Variants in NCBP1 observed in about 807,000 individuals in gnomAD.
NCBP1 encodes nuclear cap-binding protein subunit 1.
NCBP1 carries 16 observed loss-of-function variants against 111.7 expected under a neutral mutation model. The observed-to-expected ratio is 0.14, with a 90% CI of 0.10 to 0.22. NCBP1 has a LOEUF of 0.22. Among genes scored for constraint, NCBP1 ranks in the 10% least tolerant of loss-of-function variants. NCBP1 has a pLI of 1.00. For synonymous variants in NCBP1, 304 were observed against 314.3 expected, an observed-to-expected ratio of 0.97 and a Z score of 0.35; for missense variants, 607 against 957.5, an observed-to-expected ratio of 0.63 and a Z score of 4.83.
intron 10 of NCBP1, among the ~76,000 whole-genome samples, chr9:97,652,331 T>C (rs1234678473): frequency 6.6e-6 from 1 of 152,202 alleles, no homozygotes; most frequent in Non-Finnish European, 1.5e-5. Flanking sequence ...ATTAAAGTAT[T>C]CATGGGCCAG....
In NCBP1 at chr9:97,669,646, C is replaced by T. The variant is rs764826504; in HGVS notation, c.2199C>T (p.Thr733=). ...TAGTACGATGCGAAACTGATGGGACCAGTGTATTAACACCATGGTATAAGA... is the reference window on the plus strand; with the variant it reads ...TAGTACGATGCGAAACTGATGGGACTAGTGTATTAACACCATGGTATAAGA... ...EHLVRCETDG[T]SVLTPWYKNC... is the part of the protein sequence containing the mutation. Residue 733 remains threonine (T), a synonymous_variant, in exon 22 of 23, where the codon ACC becomes ACT. Transcript: ENST00000375147. 2.2e-5 allele frequency: 35 copies of T among 1,613,270 alleles called. No individual in the cohort carries two copies. Among genetic ancestry groups the T allele is most frequent in the Non-Finnish European group, 2.9e-5 (34 of 1,179,300 alleles).
chr9:97,663,027 G>A lies in NCBP1; in HGVS notation c.1777G>A (p.Val593Ile). The A allele has an allele frequency of 6.2e-7, 1 of 1,612,478 alleles. No individual in the cohort carries two copies. The highest frequency in any genetic ancestry group is 1.1e-5 in the South Asian group (1 of 90,848). The change falls in exon 18 of 23, where the codon GTC becomes ATC. Residue 593 changes from valine (V) to isoleucine (I), a missense_variant. This residue lies in a region of NCBP1 where 282 missense variants were observed against 376.5 expected (regional missense o/e 0.75). Transcript: ENST00000375147. ...KLHVLRVMFE[V>I]WRNHPQMIAV... ...ACATGTGCTAAGAGTTATGTTTGAGGTCTGGAGGAACCATCCACAGGTAAA... is the reference window on the plus strand; with the variant it reads ...ACATGTGCTAAGAGTTATGTTTGAGATCTGGAGGAACCATCCACAGGTAAA...
chr9:97,644,969 C>T, intron 4 of NCBP1, 148 bp from the exon 5 acceptor site: 3 of 491,712 alleles, frequency 6.1e-6, no homozygotes, highest in Non-Finnish European at 1.1e-5. Context: ...TTTTAGTTCC[C>T]AGCTATGCAA....
intron 7 of NCBP1, 103 bp downstream of exon 7, chr9:97,647,664 G>GAAA: frequency 1.0e-6 from 1 of 992,594 alleles, no homozygotes; most frequent in Non-Finnish European, 1.5e-6. Flanking sequence ...CTTTGACTGT[G>GAAA]TTTCTACATT....
intron 11 of NCBP1, among the ~76,000 whole-genome samples, chr9:97,654,401 T>C (rs937289565): frequency 9.2e-5 from 14 of 152,180 alleles, no homozygotes; most frequent in Admixed American, 9.2e-4. Flanking sequence ...CATCTTCTTA[T>C]TTTTTAAAGT....
chr9:97,647,413 G>C, intron 6 of NCBP1, 79 bp from the exon 7 acceptor site: 2 of 1,114,448 alleles, frequency 1.8e-6, no homozygotes, highest in Non-Finnish European at 2.7e-6. Context: ...GCTTTAATTT[G>C]CATTTTAATA....
chr9:97,633,950 C>T, intron 1 of NCBP1, 35 bp downstream of exon 1: 1 of 1,563,784 alleles, frequency 6.4e-7, no homozygotes, highest in Non-Finnish European at 8.6e-7. Flanking sequence ...GAGGCCGCTC[C>T]CGGTTGGGAG....
At position 97,671,238 on chromosome 9, in the gene NCBP1, C is replaced by T. The variant is rs770971060; in HGVS notation, c.*39C>T. 7.2e-7 allele frequency: 1 copy of T among 1,388,002 alleles called. No homozygotes were observed. The highest frequency in any genetic ancestry group is 1.0e-6 in the Non-Finnish European group (1 of 992,414). The allele number at this position is 1,388,002 out of a possible 1,614,324, so 86.0% of individuals were successfully genotyped here. On this transcript the variant is annotated 3_prime_UTR_variant, in exon 23 of 23. Transcript: ENST00000375147. ...CTCATGTCAAGGTTTTTTTTGATAT[C>T]TTAAAATAATTTGTCTTATTTTTTG...
intron 14 of NCBP1, among the ~76,000 whole-genome samples, chr9:97,657,885 G>GCTCTCTCTCTCTCTCTCTCTCT (rs3052096): frequency 4.4e-5 from 5 of 114,028 alleles, no homozygotes; most frequent in African/African-American, 1.5e-4. Flanking sequence ...GCCCCGGTAA[G>GCTCTCTCTCTCTCTCTCTCTCT]CTCTCTCTCT....
chr9:97,654,935 G>T lies in NCBP1; in HGVS notation c.1226G>T (p.Cys409Phe). The change falls in exon 12 of 23, where the codon TGT (cysteine) becomes TTT (phenylalanine). Residue 409 changes from cysteine (C) to phenylalanine (F), a missense_variant. Cys to Phe is a radical substitution (Grantham distance 205, BLOSUM62 -2). Coordinates refer to ENST00000375147, the MANE Select transcript of NCBP1 (RefSeq NM_002486.5). ...CGTTTGGACACAATGAACACTACCT[G>T]TGTAGACAGGTACAGTAATCGCTTT... ...YMRLDTMNTT[C>F]VDRFINWFSH... is the part of the protein sequence containing the mutation. The T allele has an allele frequency of 6.2e-7, 1 of 1,603,084 alleles. No homozygotes were observed.
intron 4 of NCBP1, among the ~76,000 whole-genome samples, chr9:97,643,847 A>T (rs887988879): frequency 3.9e-5 from 6 of 152,084 alleles, no homozygotes; most frequent in African/African-American, 1.4e-4. Context: ...GATGTTCTTA[A>T]TAGCCTCTTA....
intron 22 of NCBP1, among the ~76,000 whole-genome samples, chr9:97,670,815 C>A (rs1828167313): frequency 6.6e-6 from 1 of 152,220 alleles, no homozygotes; most frequent in Non-Finnish European, 1.5e-5. Flanking sequence ...GCAGGCACTG[C>A]TGCCACTGCC....
At chr9:97,639,422 T>G (rs562327024) in intron 1 of NCBP1, among the ~76,000 whole-genome samples, 2 of 152,334 alleles carry the variant, frequency 1.3e-5, no homozygotes, top group African/African-American at 4.8e-5. Flanking sequence ...CTGTGTTTTA[T>G]GAGAATCACC....
At chr9:97,634,648 CAAAA>C (rs905114985) in intron 1 of NCBP1, 2 of 151,606 alleles carry the variant, frequency 1.3e-5, no homozygotes, top group Middle Eastern at 3.2e-3. Context: ...TTAACAACAA[CAAAA>C]AAAAGATGCT....
At chr9:97,647,868 C>A in intron 7 of NCBP1, 140 bp from the exon 8 acceptor site, 1 of 808,766 alleles carries the variant, frequency 1.2e-6, no homozygotes, top group South Asian at 2.0e-5. Flanking sequence ...AAAATAAAAA[C>A]AAAAACTTAG....
At chr9:97,655,035 T>A (rs1455435986) in intron 12 of NCBP1, 91 bp downstream of exon 12, 2 of 1,158,982 alleles carry the variant, frequency 1.7e-6, no homozygotes, top group Non-Finnish European at 2.4e-6. Context: ...TTTAAGAATT[T>A]CCATGTTTAG....
At chr9:97,641,358 T>C (rs1827199459) in intron 2 of NCBP1, among the ~76,000 whole-genome samples, 1 of 152,146 alleles carries the variant, frequency 6.6e-6, no homozygotes, top group African/African-American at 2.4e-5. Context: ...ATTATAGCTC[T>C]GTATGCATGT....
At chr9:97,664,593 C>G (rs1827939485) in intron 19 of NCBP1, 150 bp downstream of exon 19, 1 of 550,728 alleles carries the variant, frequency 1.8e-6, no homozygotes, top group Non-Finnish European at 3.2e-6. Context: ...GCAAAAATTC[C>G]TAGACAGTGG....
intron 2 of NCBP1, 122 bp from the exon 3 acceptor site, chr9:97,641,440 T>C: frequency 1.4e-6 from 1 of 694,860 alleles, no homozygotes; most frequent in Non-Finnish European, 2.0e-6. Context: ...GGACAGATGA[T>C]TGGTAATGAT....
Sources: gnomAD v4.1 joint callset for allele counts (sites outside exome capture counted in the v4.1 genomes callset) on GRCh38, gnomAD v4.1.1 for gene constraint, gnomAD v4.1.1 regional missense constraint, MANE v1.5 for transcripts, NCBI Gene and HGNC (gene_info 2026-07-23, HGNC 2026-07-21) for gene names.